Variants in DRG1 observed in about 807,000 individuals in gnomAD.
The protein encoded by DRG1 is developmentally-regulated GTP-binding protein 1.
In DRG1, 19 loss-of-function variants were observed where a neutral mutation model predicts 38.8. The observed-to-expected ratio is 0.49, with a 90% CI of 0.34 to 0.72. DRG1 has a LOEUF of 0.72. Ranked by LOEUF, DRG1 falls within the 30% of genes least tolerant of loss-of-function variation. The probability of loss-of-function intolerance (pLI) is 0.01; values close to 1 mark genes in which losing one functional copy is unlikely to be tolerated. For synonymous variants in DRG1, 167 were observed against 157.5 expected (o/e 1.06, Z -0.45); for missense variants, 299 against 444.8 (o/e 0.67, Z 2.95).
chr22:31,416,463 T>C (rs2050044822), intron 4 of DRG1, among the ~76,000 whole-genome samples: 1 of 152,112 alleles, frequency 6.6e-6, no homozygotes, highest in Admixed American at 6.6e-5. Context: ...GCTTAAGATA[T>C]CACTGGCCGT....
At chr22:31,420,217 A>G (rs746280319) in intron 4 of DRG1, 39 bp from the exon 5 acceptor site, 12 of 1,601,082 alleles carry the variant, frequency 7.5e-6, no homozygotes, top group Non-Finnish European at 8.5e-6. Flanking sequence ...TTAAGGCTTT[A>G]TTGAACTTTC....
At chr22:31,419,357 T>C (rs73160614) in intron 4 of DRG1, among the ~76,000 whole-genome samples, 5,345 of 140,152 alleles carry the variant, frequency 0.038, 89 homozygotes, top group Non-Finnish European at 0.043. Flanking sequence ...AAAAGACTAC[T>C]TTTTTTTTTT....
rs759258892 is a variant in DRG1, at chr22:31,399,695, C to T, written c.12C>T (p.Thr4=). Residue 4 remains threonine, a synonymous_variant, in exon 1 of 9, where the codon ACC becomes ACT. Coordinates refer to ENST00000331457, the MANE Select transcript of DRG1 (RefSeq NM_004147.4). The part of the protein sequence containing the change: MSS[T]LAKIAEIEAE... ...GGGTACTCGCCACGATGAGCAGCAC[C>T]TTAGCTAAGATCGCGGAGATAGAAG... 1.9e-6 allele frequency: 3 copies of T among 1,614,042 alleles called. No individual in the cohort carries two copies. Among genetic ancestry groups the T allele is most frequent in the East Asian group, 4.5e-5 (2 of 44,888 alleles).
intron 8 of DRG1, among the ~76,000 whole-genome samples, chr22:31,431,789 T>A (rs899749617): frequency 6.6e-6 from 1 of 152,222 alleles, no homozygotes. Flanking sequence ...ATGTAAGTGC[T>A]AATTTCCACC....
intron 8 of DRG1, among the ~76,000 whole-genome samples, chr22:31,430,061 T>A (rs1783320332): frequency 6.6e-6 from 1 of 152,156 alleles, no homozygotes; most frequent in African/African-American, 2.4e-5. Flanking sequence ...ACCCTTTCCT[T>A]ACTTTTTGAT....
intron 4 of DRG1, among the ~76,000 whole-genome samples, chr22:31,414,221 T>A (rs893092386): frequency 6.6e-5 from 10 of 152,208 alleles, no homozygotes; most frequent in African/African-American, 2.2e-4. Context: ...TTTAAATGTC[T>A]GGATCTATAT....
At chr22:31,405,680 T>TG (rs201356559) in intron 3 of DRG1, among the ~76,000 whole-genome samples, 6 of 150,566 alleles carry the variant, frequency 4.0e-5, no homozygotes, top group Admixed American at 6.7e-5. Context: ...TGTGTGTGTG[T>TG]GGGGGGGTTT....
chr22:31,403,330 GA>G, intron 3 of DRG1, 126 bp downstream of exon 3: 1 of 1,013,194 alleles, frequency 9.9e-7, no homozygotes, highest in Non-Finnish European at 1.4e-6. Context: ...CCTGGTAGGG[GA>G]AATAGAGCAG....
rs893367781 is a variant in DRG1 at position 31,434,012 on chromosome 22, C to T, written c.*41C>T. 6.3e-6 allele frequency: 10 copies of T among 1,577,932 alleles called. No individual in the cohort carries two copies. The highest frequency in any genetic ancestry group is 2.2e-5 in the East Asian group (1 of 44,564). ...CCATCTGCCGGACGAACCACAACAG[C>T]GTTCCCCATGATCAAGCACCCTACC... On this transcript the variant is annotated 3_prime_UTR_variant, in exon 9 of 9. Coordinates refer to ENST00000331457, the MANE Select transcript of DRG1 (RefSeq NM_004147.4).
At chr22:31,407,138 C>G (rs1234570735) in intron 3 of DRG1, among the ~76,000 whole-genome samples, 1 of 152,096 alleles carries the variant, frequency 6.6e-6, no homozygotes. Flanking sequence ...GTCAGTATGT[C>G]TTATTGGTGA....
At chr22:31,419,290 G>A (rs538945714) in intron 4 of DRG1, among the ~76,000 whole-genome samples, 10 of 151,954 alleles carry the variant, frequency 6.6e-5, no homozygotes, top group South Asian at 2.1e-4. Context: ...GCAATAGAGC[G>A]AGACTCTGTC....
At chr22:31,401,952 G>T (rs1010770362) in intron 2 of DRG1, among the ~76,000 whole-genome samples, 1 of 151,956 alleles carries the variant, frequency 6.6e-6, no homozygotes, top group African/African-American at 2.4e-5. Context: ...TCAGGAGGCC[G>T]AGGCAGGAGA....
rs34293725 is a variant in DRG1, at chr22:31,432,042, G to GT, written c.1005-1817dup. Among the ~76,000 whole-genome samples, 902 of 145,050 alleles carry GT rather than the reference G, an allele frequency of 6.2e-3. 4 individuals carry two copies. Among genetic ancestry groups the GT allele is most frequent in the African/African-American group, 0.015 (592 of 39,640 alleles). The stretch of plus-strand genomic sequence containing the variant: ...GGATTTTATTTGCTCTTATTTTACT[G>GT]TTTTTTTTTTTTTCTTTAATTATTG... On this transcript the variant is annotated intron_variant, in intron 8 of 8. Coordinates refer to ENST00000331457, the MANE Select transcript of DRG1 (RefSeq NM_004147.4).
chr22:31,431,027 C>T (rs1279244403), intron 8 of DRG1, among the ~76,000 whole-genome samples: 30 of 120,726 alleles, frequency 2.5e-4, no homozygotes, highest in African/African-American at 4.2e-4. Context: ...CTTCCCCCCC[C>T]CCCCCCGCTT....
At chr22:31,407,224 T>C (rs1379339527) in intron 3 of DRG1, among the ~76,000 whole-genome samples, 1 of 152,142 alleles carries the variant, frequency 6.6e-6, no homozygotes, top group Non-Finnish European at 1.5e-5. Flanking sequence ...ACAGTTAATA[T>C]ATATTTTAGG....
At chr22:31,402,150 G>A (rs916076797) in intron 2 of DRG1, among the ~76,000 whole-genome samples, 1 of 152,068 alleles carries the variant, frequency 6.6e-6, no homozygotes, top group African/African-American at 2.4e-5. Flanking sequence ...TAAAAAAATT[G>A]ATGCAAAGGG....
rs550281989 is a variant in DRG1 at position 31,400,255 on chromosome 22, C to T, written c.43-365C>T. On this transcript the variant is annotated intron_variant, in intron 1 of 8. Transcript: ENST00000331457. ...ACATCTGTGTGGGAGCAGTTTATTC[C>T]GCCTGGATAGTGTGTGATTCCATTG... 3.3e-5 allele frequency among the ~76,000 whole-genome samples: 5 copies of T among 151,912 alleles called. No individual in the cohort carries two copies. The East Asian group carries it at 7.8e-4, about 24-fold the overall frequency.
At chr22:31,429,398 A>G (rs1209763255) in intron 8 of DRG1, among the ~76,000 whole-genome samples, 3 of 152,060 alleles carry the variant, frequency 2.0e-5, no homozygotes, top group Non-Finnish European at 2.9e-5. Flanking sequence ...GATTACACAC[A>G]GGCATGAGCT....
chr22:31,428,414 C>G (rs551095493), intron 8 of DRG1, among the ~76,000 whole-genome samples: 3 of 151,706 alleles, frequency 2.0e-5, no homozygotes, highest in Admixed American at 6.6e-5. Context: ...GGGGTTTCAC[C>G]GTGTTAGCCA....
Sources: gnomAD v4.1 joint callset for allele counts (sites outside exome capture counted in the v4.1 genomes callset) on GRCh38, gnomAD v4.1.1 for gene constraint, MANE v1.5 for transcripts, NCBI Gene and HGNC (gene_info 2026-07-23, HGNC 2026-07-21) for gene names.